Variants in RUNX1 observed in about 807,000 individuals in gnomAD.
RUNX1 encodes the protein RUNX family transcription factor 1.
A neutral mutation model predicts 42.8 loss-of-function variants in RUNX1; 19 were observed. The ratio of observed to expected loss-of-function variants is 0.44; its 90% CI spans 0.31 to 0.65. The LOEUF is 0.65. Among genes scored for constraint, RUNX1 ranks in the 30% least tolerant of loss-of-function variants. The pLI is 0.07. For synonymous variants in RUNX1, 271 were observed against 289.4 expected (o/e 0.94, Z 0.64); for missense variants, 528 against 672.0 (o/e 0.79, Z 2.37).
intron 2 of RUNX1, among the ~76,000 whole-genome samples, chr21:34,992,059 G>A (rs143054079): frequency 1.5e-3 from 232 of 152,346 alleles, no homozygotes; most frequent in African/African-American, 5.3e-3. Context: ...CCAAAGCTGT[G>A]AAAATAATTT....
At chr21:34,794,676 C>T (rs1019562224) in intron 8 of RUNX1, among the ~76,000 whole-genome samples, 1 of 152,148 alleles carries the variant, frequency 6.6e-6, no homozygotes, top group Non-Finnish European at 1.5e-5. Context: ...ACCTACAGGC[C>T]GCCCTTGGGA....
chr21:34,979,582 G>C (rs1309456632), intron 2 of RUNX1, among the ~76,000 whole-genome samples: 2 of 152,192 alleles, frequency 1.3e-5, no homozygotes, highest in African/African-American at 4.8e-5. Context: ...TGTCTGGGAT[G>C]ACTATATTAA....
chr21:34,857,575 G>A (rs752375253), intron 6 of RUNX1, among the ~76,000 whole-genome samples: 1 of 152,172 alleles, frequency 6.6e-6, no homozygotes, highest in East Asian at 1.9e-4. Context: ...TCCCAGAGAC[G>A]GCTGTTGCTT....
intron 2 of RUNX1, among the ~76,000 whole-genome samples, chr21:34,911,514 A>G (rs28567906): frequency 0.16 from 23,716 of 152,096 alleles, 2,597 homozygotes; most frequent in African/African-American, 0.32. Context: ...AGAAAAGAGG[A>G]ACAGCCTCTG....
chr21:34,910,808 G>T (rs2058266342), intron 2 of RUNX1, among the ~76,000 whole-genome samples: 1 of 151,754 alleles, frequency 6.6e-6, no homozygotes, highest in African/African-American at 2.4e-5. Flanking sequence ...TTGAAACAAG[G>T]TCTCACTCTG....
At chr21:35,012,216 A>G (rs949426162) in intron 2 of RUNX1, among the ~76,000 whole-genome samples, 3 of 152,320 alleles carry the variant, frequency 2.0e-5, no homozygotes, top group African/African-American at 7.2e-5. Context: ...CCTTGCTCCA[A>G]GAGTACAGGT....
chr21:34,874,610 CA>C (rs59950735), intron 5 of RUNX1, among the ~76,000 whole-genome samples: 267 of 25,266 alleles, frequency 0.011, 2 homozygotes, highest in Middle Eastern at 0.042. Flanking sequence ...AACTCTGTCT[CA>C]AAAAAAAAAA....
chr21:34,851,921 C>T (rs1274044993), intron 6 of RUNX1, among the ~76,000 whole-genome samples: 1 of 152,218 alleles, frequency 6.6e-6, no homozygotes, highest in Non-Finnish European at 1.5e-5. Context: ...AATCCCAGCA[C>T]TTTGGGAGGC....
intron 2 of RUNX1, among the ~76,000 whole-genome samples, chr21:35,022,779 C>T (rs1339235229): frequency 4.6e-5 from 7 of 151,858 alleles, no homozygotes; most frequent in South Asian, 4.2e-4. Context: ...CCCGTAATCC[C>T]GGCTACTCAG....
At chr21:34,981,077 C>T (rs2058842913) in intron 2 of RUNX1, among the ~76,000 whole-genome samples, 1 of 152,178 alleles carries the variant, frequency 6.6e-6, no homozygotes. Flanking sequence ...TATTAAGAGG[C>T]TAAAATATCA....
At chr21:34,844,240 T>C (rs2146133769) in intron 6 of RUNX1, among the ~76,000 whole-genome samples, 1 of 152,266 alleles carries the variant, frequency 6.6e-6, no homozygotes, top group East Asian at 1.9e-4. Context: ...TGGCGCACTA[T>C]GGAGATATGA....
intron 3 of RUNX1, chr21:34,887,591 A>G (rs2058017419): frequency 1.8e-6 from 2 of 1,102,576 alleles, no homozygotes; most frequent in South Asian, 3.7e-5. Flanking sequence ...ACAGAACACA[A>G]TTATCTCCCG....
chr21:34,889,279 G>T (rs2058046034), intron 3 of RUNX1, among the ~76,000 whole-genome samples: 2 of 152,136 alleles, frequency 1.3e-5, no homozygotes, highest in Non-Finnish European at 2.9e-5. Flanking sequence ...GCACCGTCCG[G>T]CTGGCAGCTG....
intron 7 of RUNX1, among the ~76,000 whole-genome samples, chr21:34,825,065 G>A (rs191904504): frequency 4.6e-5 from 7 of 152,266 alleles, no homozygotes; most frequent in East Asian, 1.9e-4. Flanking sequence ...ATCTTCAGGC[G>A]ATTTGTAAAT....
At position 34,791,706 on chromosome 21, in the gene RUNX1, A is replaced by G. The variant is rs533151594; in HGVS notation, c.*429T>C. 23 of 230,214 alleles carry G rather than the reference A, an allele frequency of 1.0e-4. No homozygotes were observed. The South Asian group carries it at 3.1e-3, about 31-fold the overall frequency. 14.3% of individuals were successfully genotyped at this position (230,214 alleles called of 1,614,324 possible). A position where few individuals can be genotyped will look rare whatever the true frequency, so the allele number is the denominator to read the frequency against. ...GCATCCCTCCTCTCCCCCCACCCCA[A>G]CCAAAATTCCACACTCTTTGGAATA... On this transcript the variant is annotated 3_prime_UTR_variant, in exon 9 of 9. Transcript: ENST00000675419.
chr21:34,830,271 A>T (rs2057044723), intron 7 of RUNX1, among the ~76,000 whole-genome samples: 2 of 152,294 alleles, frequency 1.3e-5, no homozygotes, highest in South Asian at 4.1e-4. Flanking sequence ...AAGTAAACAG[A>T]GTGGCTGGTA....
chr21:34,793,224 G>A (rs1293934606), intron 8 of RUNX1, among the ~76,000 whole-genome samples: 2 of 152,040 alleles, frequency 1.3e-5, no homozygotes, highest in Admixed American at 6.5e-5. Flanking sequence ...CCAGGAGGAC[G>A]GGGATCAGGA....
intron 2 of RUNX1, among the ~76,000 whole-genome samples, chr21:34,969,303 GACTGGGGACC>G (rs1009249369): frequency 6.6e-6 from 1 of 152,080 alleles, no homozygotes; most frequent in African/African-American, 2.4e-5. Flanking sequence ...AGGTGGAGGT[GACTGGGGACC>G]CTCTGACAGG....
intron 5 of RUNX1, among the ~76,000 whole-genome samples, chr21:34,863,550 CT>C (rs34743281): frequency 0.022 from 2,362 of 109,032 alleles, 31 homozygotes; most frequent in African/African-American, 0.083. Flanking sequence ...TCATGCCCAT[CT>C]TTTTTTTTTT....
Sources: gnomAD v4.1 joint callset for allele counts (sites outside exome capture counted in the v4.1 genomes callset) on GRCh38, gnomAD v4.1.1 for gene constraint, MANE v1.5 for transcripts, NCBI Gene and HGNC (gene_info 2026-07-23, HGNC 2026-07-21) for gene names.